The following CHSY1 variants were observed in gnomAD, a reference collection of about 807,000 sequenced individuals.
The protein encoded by CHSY1 is chondroitin sulfate synthase 1, also known as N-acetylgalactosaminyl-proteoglycan 3-beta-glucuronosyltransferase 1.
Under a neutral mutation model 59.8 loss-of-function variants are expected in CHSY1, and 13 were observed. That is an observed-to-expected ratio of 0.22 (90% CI 0.14 to 0.35). CHSY1 has a LOEUF of 0.35. Ranked by LOEUF, CHSY1 falls within the 10% of genes least tolerant of loss-of-function variation. The probability of loss-of-function intolerance (pLI) is 1.00; values close to 1 mark genes in which losing one functional copy is unlikely to be tolerated. For missense variants in CHSY1, 947 were observed against 1,030.6 expected (o/e 0.92, Z 1.11); for synonymous variants, 459 against 401.2 (o/e 1.14, Z -1.72).
chr15:101,184,159 C>T lies in CHSY1; in HGVS notation c.817-5179G>A, dbSNP rs553834840. On this transcript the variant is annotated intron_variant, in intron 2 of 2. Transcript: ENST00000254190. ...CCCACTAGGACAACACATCCCCACA[C>T]ATTTTCAGGAATCCATTTCACAAAG... 4.8e-4 allele frequency among the ~76,000 whole-genome samples: 73 copies of T among 152,342 alleles called. 1 individual carries two copies. In the South Asian group the frequency reaches 0.014, roughly 30 times the overall value.
rs373485537 is a variant in CHSY1, at chr15:101,251,238, G to C, written c.219C>G (p.Pro73=). 59 of 1,574,360 alleles carry C rather than the reference G, an allele frequency of 3.7e-5. No homozygotes were observed. The highest frequency in any genetic ancestry group is 4.5e-5 in the Non-Finnish European group (52 of 1,165,412). The change falls in exon 1 of 3, where the codon CCC becomes CCG. Residue 73 remains proline, a synonymous_variant. Transcript: ENST00000254190. ...GDARGAQLWP[P]GSDPDGGPRD... is the part of the protein sequence containing the mutation. ...GCGGGCCGCCATCTGGGTCCGAGCCGGGCGGCCAGAGCTGCGCCCCGCGCG... is the reference window on the plus strand; with the variant it reads ...GCGGGCCGCCATCTGGGTCCGAGCCCGGCGGCCAGAGCTGCGCCCCGCGCG...
In CHSY1 at chr15:101,178,827, T is replaced by G. The variant is rs1187694755; in HGVS notation, c.970A>C (p.Ile324Leu). ...RLHSYMLSRK[I>L]SELRHRTIQL... Reference sequence around the variant, plus strand: ...ATTGTGCGATGGCGGAGCTCGGATATCTTGCGGCTCAGCATGTAGCTGTGG... The same window carrying G: ...ATTGTGCGATGGCGGAGCTCGGATAGCTTGCGGCTCAGCATGTAGCTGTGG... Residue 324 changes from isoleucine to leucine, a missense_variant, in exon 3 of 3, where the codon ATA becomes CTA. Around this residue, in one of 4 missense-constraint regions of CHSY1, gnomAD observed 602 missense variants for 676.9 expected, o/e 0.89. Transcript: ENST00000254190. 1 of 1,614,062 alleles carries G rather than the reference T, an allele frequency of 6.2e-7. No individual in the cohort carries two copies. Among genetic ancestry groups the G allele is most frequent in the Non-Finnish European group, 8.5e-7 (1 of 1,180,056 alleles).
chr15:101,175,762 A>G lies in CHSY1; in HGVS notation c.*1626T>C, dbSNP rs934714611. 5 of 152,266 alleles carry G rather than the reference A, an allele frequency of 3.3e-5. No homozygotes were observed. The highest frequency in any genetic ancestry group is 1.2e-4 in the African/African-American group (5 of 41,166). The allele number at this position is 152,266 out of a possible 1,614,324, so 9.4% of individuals were successfully genotyped here. ...GTTTTTTACTCTCCAAATGTAATAC[A>G]ATTCTTCAGCTAAAACAGGAATAAT... On this transcript the variant is annotated 3_prime_UTR_variant, in exon 3 of 3. Coordinates refer to ENST00000254190, the MANE Select transcript of CHSY1 (RefSeq NM_014918.5).
intron 2 of CHSY1, among the ~76,000 whole-genome samples, chr15:101,184,132 C>T (rs766414766): frequency 3.3e-5 from 5 of 152,208 alleles, no homozygotes; most frequent in Non-Finnish European, 5.9e-5. Flanking sequence ...ACTTCTCACA[C>T]ACCCACTAGG....
chr15:101,210,197 C>T (rs2038669880), intron 2 of CHSY1, among the ~76,000 whole-genome samples: 1 of 152,166 alleles, frequency 6.6e-6, no homozygotes, highest in South Asian at 2.1e-4. Context: ...CTTTTATTGT[C>T]AGATTTTAAA....
intron 1 of CHSY1, among the ~76,000 whole-genome samples, chr15:101,244,195 A>C (rs146069730): frequency 1.4e-4 from 22 of 152,346 alleles, no homozygotes; most frequent in East Asian, 1.2e-3. Flanking sequence ...ATCCGGAACC[A>C]GAAGCCAAAA....
At chr15:101,238,950 T>C (rs1363689133) in intron 1 of CHSY1, among the ~76,000 whole-genome samples, 1 of 152,194 alleles carries the variant, frequency 6.6e-6, no homozygotes, top group East Asian at 1.9e-4. Context: ...AATGTGTGAA[T>C]GTGTGACAAG....
chr15:101,178,990 GAA>G lies in CHSY1; in HGVS notation c.817-12_817-11del, dbSNP rs769105634. 1 of 1,611,806 alleles carries G rather than the reference GAA, an allele frequency of 6.2e-7. No homozygotes were observed. Among genetic ancestry groups the G allele is most frequent in the African/African-American group, 1.3e-5 (1 of 74,682 alleles). On this transcript the variant is annotated splice_polypyrimidine_tract_variant and intron_variant, in intron 2 of 2. Transcript: ENST00000254190. ...AAAAAAGCTGCTGCATCTGTTACAG[GAA>G]AAAAAAGAGATCACAAATTTAGTAT...
intron 2 of CHSY1, among the ~76,000 whole-genome samples, chr15:101,211,302 C>T (rs1161371055): frequency 1.3e-5 from 2 of 151,986 alleles, no homozygotes; most frequent in African/African-American, 2.4e-5. Context: ...CCAGCCTGTG[C>T]GAAAGAGCGA....
rs574638806 is a variant in CHSY1 at position 101,218,070 on chromosome 15, T to G, written c.816+17012A>C. Among the ~76,000 whole-genome samples, 3 of 152,290 alleles carry G rather than the reference T, an allele frequency of 2.0e-5. No homozygotes were observed. In the South Asian group the frequency reaches 6.2e-4, roughly 32 times the overall value. ...CCCTCAGAAATCCATAACGCCAATCTAATTGTGAGAAAAACATCAGACAAA... is the reference window on the plus strand; with the variant it reads ...CCCTCAGAAATCCATAACGCCAATCGAATTGTGAGAAAAACATCAGACAAA... On this transcript the variant is annotated intron_variant, in intron 2 of 2. Transcript: ENST00000254190.
Position 101,178,496 on chromosome 15 carries a change from T to C in CHSY1, c.1301A>G (p.Tyr434Cys), listed in dbSNP as rs961335141. 3.1e-6 allele frequency: 5 copies of C among 1,614,238 alleles called. No homozygotes were observed. The African/African-American group carries it at 5.3e-5, about 17-fold the overall frequency. The change falls in exon 3 of 3, where the codon TAC becomes TGC. Residue 434 changes from tyrosine (Y) to cysteine (C), a missense_variant. Tyr to Cys is a radical substitution (Grantham distance 194). Around this residue, in one of 4 missense-constraint regions of CHSY1, gnomAD observed 602 missense variants for 676.9 expected, o/e 0.89. Coordinates refer to ENST00000254190, the MANE Select transcript of CHSY1 (RefSeq NM_014918.5). ...GRIIDFKEIQ[Y>C]GYRRVNPMYG... Reference sequence around the variant, plus strand: ...CATGGGGTTCACCCGGCGGTAGCCGTACTGGATCTCTTTGAAGTCAATGAT... The same window carrying C: ...CATGGGGTTCACCCGGCGGTAGCCGCACTGGATCTCTTTGAAGTCAATGAT...
intron 2 of CHSY1, among the ~76,000 whole-genome samples, chr15:101,194,384 G>A (rs182266740): frequency 2.6e-5 from 4 of 152,324 alleles, no homozygotes; most frequent in Middle Eastern, 3.4e-3. Flanking sequence ...TACCTCAACT[G>A]AGAAACATTT....
At chr15:101,208,013 C>T (rs1347204205) in intron 2 of CHSY1, among the ~76,000 whole-genome samples, 1 of 152,216 alleles carries the variant, frequency 6.6e-6, no homozygotes, top group Non-Finnish European at 1.5e-5. Context: ...GAGGATTGCT[C>T]ACTTACAGCG....
intron 2 of CHSY1, among the ~76,000 whole-genome samples, chr15:101,204,031 T>C (rs2038599733): frequency 6.6e-6 from 1 of 152,244 alleles, no homozygotes. Flanking sequence ...TCCCTGATTT[T>C]GATTACTGCG....
intron 2 of CHSY1, among the ~76,000 whole-genome samples, chr15:101,197,122 C>T (rs892356307): frequency 5.9e-5 from 9 of 152,144 alleles, no homozygotes; most frequent in Admixed American, 2.0e-4. Flanking sequence ...TGCGGTGGTA[C>T]ATGCCTGTAG....
rs1272315923 is a variant in CHSY1 at position 101,178,508 on chromosome 15, T to C, written c.1289A>G (p.Lys430Arg). The C allele has an allele frequency of 1.5e-5, 24 of 1,614,098 alleles. No homozygotes were observed. The highest frequency in any genetic ancestry group is 1.9e-5 in the Non-Finnish European group (23 of 1,180,042). ...CCGGCGGTAGCCGTACTGGATCTCTTTGAAGTCAATGATGCGCCCTCTGGT... is the reference window on the plus strand; with the variant it reads ...CCGGCGGTAGCCGTACTGGATCTCTCTGAAGTCAATGATGCGCCCTCTGGT... ...AKTRGRIIDF[K>R]EIQYGYRRVN... is the part of the protein sequence containing the mutation. The change falls in exon 3 of 3, where the codon AAA becomes AGA. Residue 430 changes from lysine to arginine, a missense_variant. This residue lies in a region of CHSY1 where 602 missense variants were observed against 676.9 expected (regional missense o/e 0.89). Transcript: ENST00000254190.
At chr15:101,220,370 C>G (rs558473833) in intron 2 of CHSY1, among the ~76,000 whole-genome samples, 13 of 152,274 alleles carry the variant, frequency 8.5e-5, no homozygotes, top group South Asian at 2.1e-4. Context: ...ATTTGTATAT[C>G]AAGCCTGAAC....
intron 2 of CHSY1, among the ~76,000 whole-genome samples, chr15:101,225,234 AT>A (rs34639241): frequency 1.1e-3 from 166 of 144,482 alleles, no homozygotes; most frequent in Middle Eastern, 3.5e-3. Flanking sequence ...TACCCAGCTG[AT>A]TTTTTTTTTT....
Position 101,196,597 on chromosome 15 carries a change from G to A in CHSY1, c.817-17617C>T, listed in dbSNP as rs1045006392. Among the ~76,000 whole-genome samples the A allele has an allele frequency of 1.1e-4, 17 of 152,298 alleles. No homozygotes were observed. In the South Asian group the frequency reaches 3.1e-3, roughly 28 times the overall value. On this transcript the variant is annotated intron_variant, in intron 2 of 2. Transcript: ENST00000254190. ...GCCACCAAGCGGGATTACACCCCGA[G>A]ATCCATGACTAGACTATAAACTATA...
Sources: allele counts gnomAD v4.1 joint callset (sites outside exome capture counted in the v4.1 genomes callset), GRCh38; gene constraint gnomAD v4.1.1; regional missense constraint gnomAD v4.1.1; transcripts MANE v1.5; gene names NCBI Gene and HGNC (gene_info 2026-07-23, HGNC 2026-07-21).